FCHSD2: variants seen among roughly 807,000 people sequenced by gnomAD.
FCHSD2 encodes F-BAR and double SH3 domains protein 2.
FCHSD2 carries 38 observed loss-of-function variants against 108.1 expected under a neutral mutation model. The observed-to-expected ratio is 0.35, with a 90% CI of 0.27 to 0.46. The LOEUF is 0.46. FCHSD2 is among the 20% of genes least tolerant of loss of function. The pLI is 1.00. For missense variants in FCHSD2, 751 were observed against 897.8 expected, an observed-to-expected ratio of 0.84 and a Z score of 2.09; for synonymous variants, 279 against 314.7, an observed-to-expected ratio of 0.89 and a Z score of 1.20.
At chr11:72,925,643 A>G (rs1238871428) in intron 8 of FCHSD2, among the ~76,000 whole-genome samples, 1 of 152,184 alleles carries the variant, frequency 6.6e-6, no homozygotes, top group Non-Finnish European at 1.5e-5. Context: ...TCATCATGAG[A>G]TAATAACTGA....
At chr11:72,839,541 G>T (rs1360336700) in intron 19 of FCHSD2, among the ~76,000 whole-genome samples, 1 of 152,124 alleles carries the variant, frequency 6.6e-6, no homozygotes, top group Non-Finnish European at 1.5e-5. Context: ...GAAGTGGAAA[G>T]ATTTGCGAGC....
At chr11:72,930,238 T>C (rs1477687028) in intron 8 of FCHSD2, among the ~76,000 whole-genome samples, 2 of 152,106 alleles carry the variant, frequency 1.3e-5, no homozygotes, top group Non-Finnish European at 2.9e-5. Context: ...ACCAGTATTA[T>C]CTAATAGCTG....
In FCHSD2 at chr11:72,984,258, T is replaced by C. The variant is rs199660269; in HGVS notation, c.577-42A>G. ...TAAAATAATCAGTGCAAACTGATATTGTACTGCAAAACACATAGGAATCCT... is the reference window on the plus strand; with the variant it reads ...TAAAATAATCAGTGCAAACTGATATCGTACTGCAAAACACATAGGAATCCT... On this transcript the variant is annotated intron_variant, in intron 7 of 19. Transcript: ENST00000409418. The C allele has an allele frequency of 1.2e-4, 192 of 1,602,446 alleles. No homozygotes were observed. The East Asian group carries it at 2.8e-3, about 23-fold the overall frequency.
intron 9 of FCHSD2, among the ~76,000 whole-genome samples, chr11:72,912,430 G>A (rs1855782909): frequency 6.6e-6 from 1 of 152,164 alleles, no homozygotes; most frequent in African/African-American, 2.4e-5. Flanking sequence ...CACACAGAGT[G>A]ATTTGTGTAT....
At chr11:72,970,966 A>T (rs910076774) in intron 8 of FCHSD2, among the ~76,000 whole-genome samples, 12 of 152,312 alleles carry the variant, frequency 7.9e-5, no homozygotes, top group Admixed American at 7.8e-4. Context: ...AGGCAGCATT[A>T]ATGAGAAACG....
intron 3 of FCHSD2, among the ~76,000 whole-genome samples, chr11:73,019,155 A>C (rs886448902): frequency 2.6e-5 from 4 of 152,250 alleles, no homozygotes; most frequent in African/African-American, 9.6e-5. Context: ...AAGTGTTTAC[A>C]GAACACATCA....
At chr11:72,940,829 G>A in intron 8 of FCHSD2, 1 of 897,624 alleles carries the variant, frequency 1.1e-6, no homozygotes, top group Admixed American at 1.7e-5. Context: ...TGCCACTGTG[G>A]GGCTCTTAGA....
chr11:72,891,135 T>C (rs994889986), intron 10 of FCHSD2, among the ~76,000 whole-genome samples: 9 of 152,160 alleles, frequency 5.9e-5, no homozygotes, highest in Middle Eastern at 3.4e-3. Context: ...CCAGGCAACA[T>C]AGGAGTTCAA....
chr11:72,870,856 C>A (rs113107956), intron 12 of FCHSD2, among the ~76,000 whole-genome samples: 1 of 138,240 alleles, frequency 7.2e-6, no homozygotes, highest in Non-Finnish European at 1.5e-5. Context: ...GCCGAGATTG[C>A]GCCACTGCAC....
At chr11:72,965,763 T>C (rs1414811632) in intron 8 of FCHSD2, among the ~76,000 whole-genome samples, 4 of 152,232 alleles carry the variant, frequency 2.6e-5, no homozygotes, top group Non-Finnish European at 5.9e-5. Context: ...TAGCACAGAT[T>C]AGTTTTGCAT....
At chr11:72,989,732 AC>A (rs1355966622) in intron 5 of FCHSD2, among the ~76,000 whole-genome samples, 1 of 152,182 alleles carries the variant, frequency 6.6e-6, no homozygotes, top group Non-Finnish European at 1.5e-5. Flanking sequence ...CTTATAACAC[AC>A]CGGGGCCAAG....
intron 3 of FCHSD2, among the ~76,000 whole-genome samples, chr11:73,081,027 C>T (rs1859671230): frequency 6.6e-6 from 1 of 152,044 alleles, no homozygotes; most frequent in South Asian, 2.1e-4. Context: ...AAGTAGACAT[C>T]CACTTTTAAT....
In FCHSD2 at chr11:72,842,854, A is replaced by C; in HGVS notation, c.1706-13T>G. On this transcript the variant is annotated splice_polypyrimidine_tract_variant and intron_variant, in intron 16 of 19. Transcript: ENST00000409418. ...TTCACAAAACATACTAGGGAGCAAGAGAAAAACAAATCTGGTAAGATAATT... is the reference window on the plus strand; with the variant it reads ...TTCACAAAACATACTAGGGAGCAAGCGAAAAACAAATCTGGTAAGATAATT... 6.2e-7 allele frequency: 1 copy of C among 1,602,814 alleles called. No homozygotes were observed. The highest frequency in any genetic ancestry group is 8.5e-7 in the Non-Finnish European group (1 of 1,170,518).
rs547189536 is a variant in FCHSD2, at chr11:73,125,869, T to G, written c.119+14162A>C. Among the ~76,000 whole-genome samples the G allele has an allele frequency of 2.0e-5, 3 of 152,328 alleles. No homozygotes were observed. The East Asian group carries it at 5.8e-4, about 29-fold the overall frequency. ...AAACTATTATATAAAACACTTCTTT[T>G]AGTAAAACAGAGCAAACCATTCTTC... On this transcript the variant is annotated intron_variant, in intron 2 of 19. Coordinates refer to ENST00000409418, the MANE Select transcript of FCHSD2 (RefSeq NM_014824.3).
At chr11:73,005,887 C>T (rs1461478015) in intron 4 of FCHSD2, among the ~76,000 whole-genome samples, 1 of 150,604 alleles carries the variant, frequency 6.6e-6, no homozygotes, top group Middle Eastern at 3.2e-3. Context: ...TATCAATATC[C>T]TGACTATTCC....
intron 8 of FCHSD2, among the ~76,000 whole-genome samples, chr11:72,959,613 C>T (rs1344209903): frequency 6.6e-6 from 1 of 152,098 alleles, no homozygotes; most frequent in Non-Finnish European, 1.5e-5. Context: ...CAGTCAGGTG[C>T]CACATGAAAT....
chr11:72,981,839 G>A (rs542609154), intron 8 of FCHSD2, among the ~76,000 whole-genome samples: 1 of 152,302 alleles, frequency 6.6e-6, no homozygotes, highest in South Asian at 2.1e-4. Flanking sequence ...AAATTAGCTG[G>A]GTATGGTGGC....
In FCHSD2 at chr11:72,837,688, C is replaced by T. The variant is rs1461448983; in HGVS notation, c.*1103G>A. ...TCAATCTGTACTTGTGCAGGGTGCG[C>T]AATCCTTCAGTCCTTTCTCATAGAA... is the stretch of plus-strand genomic sequence containing the variant. On this transcript the variant is annotated 3_prime_UTR_variant, in exon 20 of 20. Coordinates refer to ENST00000409418, the MANE Select transcript of FCHSD2 (RefSeq NM_014824.3). The T allele has an allele frequency of 6.6e-6, 1 of 152,228 alleles. No homozygotes were observed. Among genetic ancestry groups the T allele is most frequent in the Admixed American group, 6.5e-5 (1 of 15,288 alleles). The allele number at this position is 152,228 out of a possible 1,614,324, so 9.4% of individuals were successfully genotyped here.
intron 3 of FCHSD2, among the ~76,000 whole-genome samples, chr11:73,046,056 T>G (rs1858757497): frequency 6.6e-6 from 1 of 150,776 alleles, no homozygotes; most frequent in African/African-American, 2.4e-5. Flanking sequence ...AGTGGCAGGA[T>G]CATAGCTCAC....
Sources: allele counts gnomAD v4.1 joint callset (sites outside exome capture counted in the v4.1 genomes callset), GRCh38; gene constraint gnomAD v4.1.1; transcripts MANE v1.5; gene names NCBI Gene and HGNC (gene_info 2026-07-23, HGNC 2026-07-21).